The following NEIL1 variants were observed in gnomAD, a reference collection of about 807,000 sequenced individuals.
NEIL1 encodes the protein endonuclease 8-like 1.
Under a neutral mutation model 44.2 loss-of-function variants are expected in NEIL1, and 31 were observed. The ratio of observed to expected loss-of-function variants is 0.70; its 90% confidence interval spans 0.53 to 0.95. The LOEUF is 0.95. Ranked by LOEUF, NEIL1 falls within the 40% of genes least tolerant of loss-of-function variation. The pLI is 0.00. For synonymous variants in NEIL1, 254 were observed against 209.7 expected (o/e 1.21, Z -1.83); for missense variants, 549 against 515.5 (o/e 1.07, Z -0.63).
At position 75,349,291 on chromosome 15, in the gene NEIL1, G is replaced by T; in HGVS notation, c.386G>T (p.Trp129Leu). The T allele has an allele frequency of 6.2e-7, 1 of 1,611,162 alleles. No individual in the cohort carries two copies. Among genetic ancestry groups the T allele is most frequent in the Admixed American group, 1.7e-5 (1 of 59,970 alleles). The change falls in exon 2 of 10, where the codon TGG becomes TTG. Residue 129 changes from tryptophan to leucine, a missense_variant. By Grantham distance (61) the Trp-to-Leu change is moderately conservative. Coordinates refer to ENST00000355059, the MANE Select transcript of NEIL1 (RefSeq NM_024608.4). ...GGCCGCTGGGACCTTGGGGGAAAGT[G>T]GCAGCCGGGCCGCGGGCCCTGTGTC... ...RFGRWDLGGK[W>L]QPGRGPCVLQ...
Position 75,349,691 on chromosome 15 carries a change from G to A in NEIL1, c.434+352G>A, listed in dbSNP as rs959349372. Reference sequence around the variant, plus strand: ...TAGCCGGGCATGGTGGCACATGCCTGTAACCCCAGCTACTTGGGAGGCTGA... The same window carrying A: ...TAGCCGGGCATGGTGGCACATGCCTATAACCCCAGCTACTTGGGAGGCTGA... On this transcript the variant is annotated intron_variant, in intron 2 of 9. Coordinates refer to ENST00000355059, the MANE Select transcript of NEIL1 (RefSeq NM_024608.4). 23 of 238,828 alleles carry A rather than the reference G, an allele frequency of 9.6e-5. No homozygotes were observed. In the East Asian group the frequency reaches 2.2e-3, roughly 23 times the overall value. 14.8% of individuals were successfully genotyped at this position (238,828 alleles called of 1,614,324 possible). A position where few individuals can be genotyped will look rare whatever the true frequency, so the allele number is the denominator to read the frequency against.
rs34322656 is a variant in NEIL1 at position 75,352,332 on chromosome 15, TC to T, written c.570del (p.Phe191LeufsTer20). 2 of 1,613,438 alleles carry T rather than the reference TC, an allele frequency of 1.2e-6. No homozygotes were observed. The highest frequency in any genetic ancestry group is 1.7e-5 in the Admixed American group (1 of 59,954). The part of the protein sequence containing the change: ...LRAEILYRLK[I>X]PPFEKARSVL... ...CCTTGCCCCCACTACAGGCTGAAGA[TC>T]CCCCCCTTTGAGAAGGCCCGCTCGG... On this transcript the variant is annotated frameshift_variant, in exon 4 of 10. Transcript: ENST00000355059. LOFTEE classifies it high-confidence loss of function.
Position 75,356,672 on chromosome 15 carries a change from T to C in NEIL1, c.*1638T>C. 1 of 1,590,298 alleles carries C rather than the reference T, an allele frequency of 6.3e-7. No homozygotes were observed. Among genetic ancestry groups the C allele is most frequent in the Non-Finnish European group, 8.6e-7 (1 of 1,168,794 alleles). On this transcript the variant is annotated 3_prime_UTR_variant, in exon 10 of 10. Transcript: ENST00000355059. This position sits in a 1 kb window ranked among gnomAD's most constrained non-coding sequence, Gnocchi z 5.8. ...GTGTCAGCAGTAGCGTCCGGGGCTT[T>C]AGGCGCCCGCAAGCTGGGGTGAGGA... is the stretch of plus-strand genomic sequence containing the variant.
rs930079879 is a variant in NEIL1 at position 75,347,275 on chromosome 15, G to T, written c.-221G>T. On this transcript the variant is annotated 5_prime_UTR_variant, in exon 1 of 10. Coordinates refer to ENST00000355059, the MANE Select transcript of NEIL1 (RefSeq NM_024608.4). ...CTGTGCGTACCGCGCACCTGTGCAC[G>T]TCCTGCGCGCAGCTGCAGGCGACTC... 1 of 152,390 alleles carries T rather than the reference G, an allele frequency of 6.6e-6. No individual in the cohort carries two copies. Among genetic ancestry groups the T allele is most frequent in the Non-Finnish European group, 1.5e-5 (1 of 68,098 alleles). 9.4% of individuals were successfully genotyped at this position (152,390 alleles called of 1,614,324 possible). A position where few individuals can be genotyped will look rare whatever the true frequency, so the allele number is the denominator to read the frequency against.
chr15:75,355,322 G>C lies in NEIL1; in HGVS notation c.*288G>C. The C allele has an allele frequency of 2.6e-6, 1 of 391,212 alleles. No individual in the cohort carries two copies. Among genetic ancestry groups the C allele is most frequent in the South Asian group, 2.7e-5 (1 of 36,686 alleles). The allele number at this position is 391,212 out of a possible 1,614,324, so 24.2% of individuals were successfully genotyped here. On this transcript the variant is annotated 3_prime_UTR_variant, in exon 10 of 10. Transcript: ENST00000355059. ...TCCGGTCCTGGTGACAGAAGGCCCA[G>C]CTCCTCACAAGGCAAACTGAGCCCC...
intron 2 of NEIL1, chr15:75,351,895 T>G: frequency 2.0e-6 from 1 of 502,396 alleles, no homozygotes; most frequent in Non-Finnish European, 3.6e-6. Context: ...GTGCTGAGAT[T>G]ACAGGCATGA....
rs1330887124 is a variant in NEIL1 at position 75,355,826 on chromosome 15, C to T, written c.*792C>T. ...CAAGGATTTATTCCACAAGAAAAGA[C>T]TGATCCCTGCTTTAGGCTGGGGAAG... is the stretch of plus-strand genomic sequence containing the variant. On this transcript the variant is annotated 3_prime_UTR_variant, in exon 10 of 10. Transcript: ENST00000355059. 4.2e-5 allele frequency: 62 copies of T among 1,490,538 alleles called. No homozygotes were observed. Among genetic ancestry groups the T allele is most frequent in the Non-Finnish European group, 5.6e-5 (61 of 1,093,298 alleles). 92.3% of individuals were successfully genotyped at this position (1,490,538 alleles called of 1,614,324 possible). A position where few individuals can be genotyped will look rare whatever the true frequency, so the allele number is the denominator to read the frequency against.
Position 75,356,325 on chromosome 15 carries a change from C to A in NEIL1, c.*1291C>A, listed in dbSNP as rs202038615. On this transcript the variant is annotated 3_prime_UTR_variant, in exon 10 of 10. Transcript: ENST00000355059. This position sits in a 1 kb window ranked among gnomAD's most constrained non-coding sequence, Gnocchi z 5.8. The stretch of plus-strand genomic sequence containing the variant: ...CCTGCTTGACGGTCTCCAATACGAC[C>A]GCGGGTGAAGACACGGAAAACGCAC... The A allele has an allele frequency of 5.0e-6, 8 of 1,611,976 alleles. No individual in the cohort carries two copies. The East Asian group carries it at 1.1e-4, about 22-fold the overall frequency.
Position 75,349,320 on chromosome 15 carries a change from C to T in NEIL1, c.415C>T (p.Gln139Ter). ...GCCGGGCCGCGGGCCCTGTGTCTTG[C>T]AGGAGTACCAGCAGTTCAGGTAGGG... The part of the protein sequence containing the change: ...WQPGRGPCVL[Q>*]EYQQFRENVL... The change falls in exon 2 of 10, where the codon CAG (glutamine) becomes TAG (stop). Residue 139 changes from glutamine (Q) to a stop codon, truncating the protein, a stop_gained. Coordinates refer to ENST00000355059, the MANE Select transcript of NEIL1 (RefSeq NM_024608.4). LOFTEE classifies it high-confidence loss of function. The T allele has an allele frequency of 6.2e-7, 1 of 1,607,728 alleles. No individual in the cohort carries two copies. Among genetic ancestry groups the T allele is most frequent in the Non-Finnish European group, 8.5e-7 (1 of 1,177,230 alleles).
chr15:75,352,474 C>T, intron 4 of NEIL1, 87 bp downstream of exon 4: 2 of 1,572,932 alleles, frequency 1.3e-6, no homozygotes, highest in Non-Finnish European at 1.7e-6. Flanking sequence ...CAGGTGTCCC[C>T]AGCTTAGCTC....
rs201418005 is a variant in NEIL1, at chr15:75,354,236, C to T, written c.847-14C>T. 429 of 1,613,930 alleles carry T rather than the reference C, an allele frequency of 2.7e-4. No homozygotes were observed. Among genetic ancestry groups the T allele is most frequent in the Non-Finnish European group, 3.3e-4 (388 of 1,179,968 alleles). On this transcript the variant is annotated splice_polypyrimidine_tract_variant and intron_variant, in intron 6 of 9. Coordinates refer to ENST00000355059, the MANE Select transcript of NEIL1 (RefSeq NM_024608.4). ...ACCCAGGCTGATTCCTGAATTATCC[C>T]CATCCCATTTTAGGGGGATCCTGGA...
rs1187518269 is a variant in NEIL1, at chr15:75,354,657, C to A, written c.941C>A (p.Ala314Asp). ...QLSPEDRVED[A>D]LPPSKAPSRT... The stretch of plus-strand genomic sequence containing the variant: ...ACCCGTGTCTCCTCCATCCAGGACG[C>A]TTTGCCTCCAAGCAAGGCCCCTTCC... The change falls in exon 9 of 10, where the codon GCT becomes GAT. Residue 314 changes from alanine (A) to aspartate (D), a missense_variant. Transcript: ENST00000355059. The A allele has an allele frequency of 1.2e-6, 2 of 1,614,108 alleles. No individual in the cohort carries two copies. The highest frequency in any genetic ancestry group is 1.7e-6 in the Non-Finnish European group (2 of 1,179,990).
chr15:75,348,596 C>T, intron 1 of NEIL1: 1 of 1,284,672 alleles, frequency 7.8e-7, no homozygotes, highest in Non-Finnish European at 9.9e-7. Context: ...CGCGGCCCCG[C>T]AAGGATTGGG....
chr15:75,353,596 A>C, intron 5 of NEIL1, 143 bp from the exon 6 acceptor site: 1 of 892,322 alleles, frequency 1.1e-6, no homozygotes, highest in Non-Finnish European at 1.9e-6. Flanking sequence ...AGCTGAGGTC[A>C]CATCACCAGA....
intron 2 of NEIL1, among the ~76,000 whole-genome samples, chr15:75,350,043 A>G (rs1381151617): frequency 1.3e-5 from 2 of 152,174 alleles, no homozygotes; most frequent in African/African-American, 2.4e-5. Flanking sequence ...GGAGGGGACT[A>G]TCTCATGACA....
rs774980771 is a variant in NEIL1 at position 75,348,980 on chromosome 15, C to G, written c.75C>G (p.Gly25=). The change falls in exon 2 of 10, where the codon GGC becomes GGG. Residue 25 remains glycine, a synonymous_variant. Transcript: ENST00000355059. ...NEACRALVFG[G]CVEKSSVSRN... ...CCTGCAGGGCGCTGGTGTTCGGCGGCTGCGTGGAGAAGTCCTCTGTCAGCC... is the reference window on the plus strand; with the variant it reads ...CCTGCAGGGCGCTGGTGTTCGGCGGGTGCGTGGAGAAGTCCTCTGTCAGCC... 6.2e-7 allele frequency: 1 copy of G among 1,613,418 alleles called. No individual in the cohort carries two copies. Among genetic ancestry groups the G allele is most frequent in the South Asian group, 1.1e-5 (1 of 91,082 alleles).
chr15:75,356,324 C>T lies in NEIL1; in HGVS notation c.*1290C>T, dbSNP rs547667997. ...GCCTGCTTGACGGTCTCCAATACGA[C>T]CGCGGGTGAAGACACGGAAAACGCA... is the stretch of plus-strand genomic sequence containing the variant. On this transcript the variant is annotated 3_prime_UTR_variant, in exon 10 of 10. Transcript: ENST00000355059. This position sits in a 1 kb window ranked among gnomAD's most constrained non-coding sequence, Gnocchi z 5.8. 5.0e-6 allele frequency: 8 copies of T among 1,612,042 alleles called. No individual in the cohort carries two copies. The African/African-American group carries it at 8.0e-5, about 16-fold the overall frequency.
In NEIL1 at chr15:75,354,751, C is replaced by G; in HGVS notation, c.1035C>G (p.Leu345=). ...TATQRPEGTS[L]QQDPEAPTVP... is the part of the protein sequence containing the mutation. Reference sequence around the variant, plus strand: ...CCCAGCGGCCTGAGGGGACCAGCCTCCAGCAGGACCCAGAAGCTCCCACAG... The same window carrying G: ...CCCAGCGGCCTGAGGGGACCAGCCTGCAGCAGGACCCAGAAGCTCCCACAG... Residue 345 remains leucine (L), a synonymous_variant, in exon 9 of 10, where the codon CTC becomes CTG. Transcript: ENST00000355059. The G allele has an allele frequency of 6.2e-7, 1 of 1,614,156 alleles. No individual in the cohort carries two copies. Among genetic ancestry groups the G allele is most frequent in the Non-Finnish European group, 8.5e-7 (1 of 1,180,032 alleles).
At position 75,355,041 on chromosome 15, in the gene NEIL1, G is replaced by C. The variant is rs1482045177; in HGVS notation, c.*7G>C. ...GGGGACCTCAGCCTCTTAGCAGGAG[G>C]CTCTCCTTGCTTGCACTCACCCTTT... On this transcript the variant is annotated 3_prime_UTR_variant, in exon 10 of 10. Coordinates refer to ENST00000355059, the MANE Select transcript of NEIL1 (RefSeq NM_024608.4). 6.2e-7 allele frequency: 1 copy of C among 1,612,608 alleles called. No individual in the cohort carries two copies. Among genetic ancestry groups the C allele is most frequent in the South Asian group, 1.1e-5 (1 of 90,810 alleles).
Sources: allele counts gnomAD v4.1 joint callset (sites outside exome capture counted in the v4.1 genomes callset), GRCh38; gene constraint gnomAD v4.1.1; non-coding constraint Gnocchi (gnomAD v3.1); transcripts MANE v1.5; gene names NCBI Gene and HGNC (gene_info 2026-07-23, HGNC 2026-07-21).